The following PSKH1 variants were observed in gnomAD, a reference collection of about 807,000 sequenced individuals.
PSKH1 encodes the protein protein serine kinase H1.
Under a neutral mutation model 26.7 loss-of-function variants are expected in PSKH1, and 12 were observed. The observed-to-expected ratio is 0.45, with a 90% confidence interval of 0.29 to 0.73. The LOEUF (loss-of-function observed/expected upper bound fraction) is 0.73, where lower values mean the gene tolerates loss of function less well. Among genes scored for constraint, PSKH1 ranks in the 30% least tolerant of loss-of-function variants. The pLI is 0.11. For synonymous variants in PSKH1, 213 were observed against 234.3 expected (o/e 0.91, Z 0.83); for missense variants, 431 against 595.2 (o/e 0.72, Z 2.87).
In PSKH1 at chr16:67,909,741, G is replaced by A; in HGVS notation, c.957+35G>A. On this transcript the variant is annotated intron_variant, in intron 2 of 2. Coordinates refer to ENST00000291041, the MANE Select transcript of PSKH1 (RefSeq NM_006742.3). This position sits in a 1 kb window ranked among gnomAD's most constrained non-coding sequence, Gnocchi z 7.8. ...TCCTGCCCCTGTCCTGGATGTTGGG[G>A]AGGCACCTGCGGGGGCAGGTATATC... 1 of 1,584,544 alleles carries A rather than the reference G, an allele frequency of 6.3e-7. No individual in the cohort carries two copies. Among genetic ancestry groups the A allele is most frequent in the Non-Finnish European group, 8.6e-7 (1 of 1,165,210 alleles).
At chr16:67,894,344 G>A (rs1221724859) in intron 1 of PSKH1, among the ~76,000 whole-genome samples, 3 of 152,092 alleles carry the variant, frequency 2.0e-5, no homozygotes, top group Admixed American at 6.6e-5. Flanking sequence ...GTAGAGCCAG[G>A]GAGTCTGGCT....
At chr16:67,922,549 C>G (rs1240943116) in intron 2 of PSKH1, among the ~76,000 whole-genome samples, 1 of 152,146 alleles carries the variant, frequency 6.6e-6, no homozygotes, top group Non-Finnish European at 1.5e-5. Context: ...GAACCCAGGG[C>G]TCAAGAGGTC....
intron 2 of PSKH1, among the ~76,000 whole-genome samples, chr16:67,913,732 C>T (rs1428267740): frequency 2.0e-5 from 3 of 152,236 alleles, no homozygotes; most frequent in Non-Finnish European, 2.9e-5. Flanking sequence ...TGTTCATACA[C>T]ATCCCCTGGA....
At chr16:67,922,515 C>T (rs572719264) in intron 2 of PSKH1, among the ~76,000 whole-genome samples, 29 of 152,262 alleles carry the variant, frequency 1.9e-4, no homozygotes, top group South Asian at 1.4e-3. Context: ...CAGCCTGCCC[C>T]AGAATCATCA....
rs2058133697 is a variant in PSKH1, at chr16:67,898,768, A to G, written c.-71+5397A>G. ...CTCCTGAGTAGCTGGGATTACAGGC[A>G]TGTGCCACCACACCCAACTAATTTT... On this transcript the variant is annotated intron_variant, in intron 1 of 2. Coordinates refer to ENST00000291041, the MANE Select transcript of PSKH1 (RefSeq NM_006742.3). Among the ~76,000 whole-genome samples, 4 of 151,674 alleles carry G rather than the reference A, an allele frequency of 2.6e-5. No individual in the cohort carries two copies. The South Asian group carries it at 8.3e-4, about 32-fold the overall frequency.
chr16:67,912,289 A>G (rs2058175556), intron 2 of PSKH1, among the ~76,000 whole-genome samples: 1 of 152,168 alleles, frequency 6.6e-6, no homozygotes, highest in African/African-American at 2.4e-5. Flanking sequence ...TACACTCGGG[A>G]CCATTCCAGT....
Position 67,927,242 on chromosome 16 carries a change from G to C in PSKH1, c.958-83G>C. 7.3e-7 allele frequency: 1 copy of C among 1,366,112 alleles called. No homozygotes were observed. The highest frequency in any genetic ancestry group is 1.0e-6 in the Non-Finnish European group (1 of 996,228). 84.6% of individuals were successfully genotyped at this position (1,366,112 alleles called of 1,614,324 possible). On this transcript the variant is annotated intron_variant, in intron 2 of 2. Transcript: ENST00000291041. This position sits in a 1 kb window ranked among gnomAD's most constrained non-coding sequence, Gnocchi z 5.5. Reference sequence around the variant, plus strand: ...GGGCAGCACCTCTCTCTGGAAAGGGGAGGGTTGCTGAGTAGTGGCCTCATC... The same window carrying C: ...GGGCAGCACCTCTCTCTGGAAAGGGCAGGGTTGCTGAGTAGTGGCCTCATC...
chr16:67,914,395 C>T (rs1457013483), intron 2 of PSKH1, among the ~76,000 whole-genome samples: 3 of 151,892 alleles, frequency 2.0e-5, no homozygotes, highest in South Asian at 4.2e-4. Flanking sequence ...TCAGGTGATC[C>T]GCCTGCCTCA....
At chr16:67,893,616 G>A (rs1246717561) in intron 1 of PSKH1, among the ~76,000 whole-genome samples, 3 of 152,252 alleles carry the variant, frequency 2.0e-5, no homozygotes, top group Admixed American at 6.5e-5. Context: ...CTCCAGGCCC[G>A]CTTGGGCCTG....
chr16:67,913,192 G>C (rs1224940320), intron 2 of PSKH1, among the ~76,000 whole-genome samples: 1 of 152,026 alleles, frequency 6.6e-6, no homozygotes, highest in Non-Finnish European at 1.5e-5. Flanking sequence ...TGTTACCCAG[G>C]CTGGAGTGCA....
chr16:67,896,723 A>G (rs1324187485), intron 1 of PSKH1, among the ~76,000 whole-genome samples: 1 of 151,794 alleles, frequency 6.6e-6, no homozygotes, highest in Non-Finnish European at 1.5e-5. Flanking sequence ...CCTAGAAGAG[A>G]TTTGGAATGC....
intron 1 of PSKH1, among the ~76,000 whole-genome samples, chr16:67,899,095 C>T (rs1052520661): frequency 4.6e-5 from 7 of 152,124 alleles, no homozygotes; most frequent in East Asian, 3.8e-4. Context: ...CTCCCTGCCC[C>T]GGGACCCCTA....
intron 1 of PSKH1, among the ~76,000 whole-genome samples, chr16:67,901,903 A>G (rs754685137): frequency 2.0e-5 from 3 of 152,130 alleles, no homozygotes; most frequent in Non-Finnish European, 2.9e-5. Context: ...CTAGGATCAC[A>G]GTGTAAACCA....
chr16:67,909,174 C>T lies in PSKH1; in HGVS notation c.425C>T (p.Ser142Leu). The T allele has an allele frequency of 1.2e-6, 2 of 1,614,092 alleles. No individual in the cohort carries two copies. The highest frequency in any genetic ancestry group is 1.7e-6 in the Non-Finnish European group (2 of 1,180,022). ...KYREGREVCE[S>L]ELRVLRRVRH... ...CGGGAGGGGCGGGAGGTGTGTGAGT[C>T]GGAGCTGCGTGTGCTGCGTCGGGTG... is the stretch of plus-strand genomic sequence containing the variant. The change falls in exon 2 of 3, where the codon TCG becomes TTG. Residue 142 changes from serine (S) to leucine (L), a missense_variant. Coordinates refer to ENST00000291041, the MANE Select transcript of PSKH1 (RefSeq NM_006742.3). The surrounding 1 kb of genome is among the most constrained non-coding windows in gnomAD (Gnocchi z 7.8).
chr16:67,911,411 G>A (rs559375416), intron 2 of PSKH1, among the ~76,000 whole-genome samples: 14 of 151,994 alleles, frequency 9.2e-5, no homozygotes, highest in Non-Finnish European at 1.9e-4. Flanking sequence ...GGCCAGGTGC[G>A]GTGGCTCACG....
intron 1 of PSKH1, among the ~76,000 whole-genome samples, chr16:67,901,445 C>T (rs1402411841): frequency 4.6e-5 from 7 of 152,126 alleles, no homozygotes; most frequent in Non-Finnish European, 1.0e-4. Context: ...AATTCTCCTG[C>T]CTCAGCCTCC....
chr16:67,912,849 C>CA (rs1318362893), intron 2 of PSKH1, among the ~76,000 whole-genome samples: 3 of 151,494 alleles, frequency 2.0e-5, no homozygotes, highest in Admixed American at 2.0e-4. Flanking sequence ...GCCTGGGCAA[C>CA]AAGAGCGAAA....
intron 1 of PSKH1, among the ~76,000 whole-genome samples, chr16:67,906,318 C>T (rs559318353): frequency 2.6e-5 from 4 of 151,804 alleles, no homozygotes; most frequent in African/African-American, 4.8e-5. Context: ...GTGATCCACC[C>T]GCCTTGGCCT....
At chr16:67,906,299 C>T (rs1365043640) in intron 1 of PSKH1, among the ~76,000 whole-genome samples, 7 of 150,734 alleles carry the variant, frequency 4.6e-5, no homozygotes, top group Admixed American at 2.7e-4. Flanking sequence ...CTCGAACTCC[C>T]GACCTCTGGT....
Sources: gnomAD v4.1 joint callset for allele counts (sites outside exome capture counted in the v4.1 genomes callset) on GRCh38, gnomAD v4.1.1 for gene constraint, Gnocchi (gnomAD v3.1) non-coding constraint, MANE v1.5 for transcripts, NCBI Gene and HGNC (gene_info 2026-07-23, HGNC 2026-07-21) for gene names.